Variants in ATP8A2 observed in about 807,000 individuals in gnomAD.
ATP8A2 encodes the protein phospholipid-transporting ATPase IB.
ATP8A2 carries 100 observed loss-of-function variants against 165.6 expected under a neutral mutation model. That is an observed-to-expected ratio of 0.60 (90% CI 0.51 to 0.71). The LOEUF (loss-of-function observed/expected upper bound fraction) is 0.71, where lower values mean the gene tolerates loss of function less well. ATP8A2 is among the 30% of genes least tolerant of loss of function. ATP8A2 has a pLI of 0.00. For missense variants in ATP8A2, 1,227 were observed against 1,479.5 expected (o/e 0.83, Z 2.80); for synonymous variants, 543 against 548.8 (o/e 0.99, Z 0.15).
chr13:25,686,935 A>G (rs968157875), intron 24 of ATP8A2, among the ~76,000 whole-genome samples: 1 of 152,168 alleles, frequency 6.6e-6, no homozygotes, highest in Non-Finnish European at 1.5e-5. Flanking sequence ...AAGCCCATTG[A>G]GAGCTGGGCC....
At chr13:25,384,564 A>G (rs1264398625) in intron 1 of ATP8A2, among the ~76,000 whole-genome samples, 2 of 152,124 alleles carry the variant, frequency 1.3e-5, no homozygotes, top group Non-Finnish European at 2.9e-5. Flanking sequence ...TTCGCTCTTC[A>G]GCTTTGTTTT....
At chr13:25,582,267 A>T (rs937265101) in intron 23 of ATP8A2, among the ~76,000 whole-genome samples, 12 of 152,246 alleles carry the variant, frequency 7.9e-5, no homozygotes, top group Admixed American at 3.9e-4. Flanking sequence ...CTAAGAGAGC[A>T]TGTTTTTACT....
At chr13:25,404,251 G>A (rs1287008320) in intron 1 of ATP8A2, among the ~76,000 whole-genome samples, 1 of 152,204 alleles carries the variant, frequency 6.6e-6, no homozygotes, top group Non-Finnish European at 1.5e-5. Context: ...TGGCAAGCAT[G>A]ACCAAAGCCA....
chr13:25,897,796 C>A (rs931046465), intron 33 of ATP8A2, among the ~76,000 whole-genome samples: 1 of 152,188 alleles, frequency 6.6e-6, no homozygotes, highest in Non-Finnish European at 1.5e-5. Context: ...CATCTTCCAT[C>A]GCTGATACCC....
At chr13:25,697,073 C>T (rs557124260) in intron 24 of ATP8A2, among the ~76,000 whole-genome samples, 4 of 152,264 alleles carry the variant, frequency 2.6e-5, no homozygotes, top group Non-Finnish European at 4.4e-5. Context: ...TGGTGCTGAT[C>T]GACTTGCTTG....
intron 24 of ATP8A2, chr13:25,591,520 G>A: frequency 2.7e-6 from 1 of 373,698 alleles, no homozygotes; most frequent in African/African-American, 2.1e-5. Context: ...ATATTCCATT[G>A]CATGCCTATA....
At chr13:25,976,445 A>G (rs1308045359) in intron 35 of ATP8A2, among the ~76,000 whole-genome samples, 1 of 152,142 alleles carries the variant, frequency 6.6e-6, no homozygotes, top group Non-Finnish European at 1.5e-5. Flanking sequence ...CCACCAAGCC[A>G]AGATGTGGAG....
chr13:25,457,736 T>A (rs1419781850), intron 1 of ATP8A2, among the ~76,000 whole-genome samples: 5 of 152,250 alleles, frequency 3.3e-5, no homozygotes, highest in African/African-American at 9.6e-5. Flanking sequence ...ATGCATCTCT[T>A]TGGCAGTGCT....
At chr13:25,739,945 G>T (rs2043870591) in intron 25 of ATP8A2, among the ~76,000 whole-genome samples, 1 of 152,192 alleles carries the variant, frequency 6.6e-6, no homozygotes, top group African/African-American at 2.4e-5. Flanking sequence ...GCAATATTTG[G>T]ATGTATACAT....
At chr13:25,691,515 A>G (rs1186278017) in intron 24 of ATP8A2, among the ~76,000 whole-genome samples, 1 of 152,236 alleles carries the variant, frequency 6.6e-6, no homozygotes, top group Non-Finnish European at 1.5e-5. Flanking sequence ...TGGCCAGTGT[A>G]GAGAAATATG....
intron 30 of ATP8A2, among the ~76,000 whole-genome samples, chr13:25,849,391 A>G (rs1301243969): frequency 6.6e-6 from 1 of 152,200 alleles, no homozygotes. Flanking sequence ...TTCTGAATAC[A>G]TTTTGTGGTT....
intron 2 of ATP8A2, among the ~76,000 whole-genome samples, chr13:25,522,385 C>T (rs113637786): frequency 1.3e-5 from 2 of 152,066 alleles, no homozygotes; most frequent in Non-Finnish European, 2.9e-5. Flanking sequence ...CTTTCCAGTT[C>T]GGATGCCCTT....
intron 25 of ATP8A2, among the ~76,000 whole-genome samples, chr13:25,729,134 A>G (rs2043559511): frequency 6.6e-6 from 1 of 151,346 alleles, no homozygotes; most frequent in African/African-American, 2.4e-5. Context: ...GCAAGATTTC[A>G]GTCAGTTTAC....
At chr13:25,831,210 A>G (rs1951457407) in intron 28 of ATP8A2, among the ~76,000 whole-genome samples, 1 of 137,212 alleles carries the variant, frequency 7.3e-6, no homozygotes, top group African/African-American at 2.7e-5. Flanking sequence ...TCCTCAAACT[A>G]ATTTTCTTTT....
At chr13:25,377,130 G>A (rs1363583247) in intron 1 of ATP8A2, among the ~76,000 whole-genome samples, 3 of 152,152 alleles carry the variant, frequency 2.0e-5, no homozygotes, top group South Asian at 2.1e-4. Flanking sequence ...AGTTATTTTC[G>A]AAAAAGTTTT....
At chr13:25,648,647 A>G (rs1330480676) in intron 24 of ATP8A2, among the ~76,000 whole-genome samples, 2 of 152,178 alleles carry the variant, frequency 1.3e-5, no homozygotes, top group Non-Finnish European at 2.9e-5. Context: ...CTGGCAACAG[A>G]GTGATATTCC....
intron 35 of ATP8A2, among the ~76,000 whole-genome samples, chr13:26,002,784 C>T (rs1459497409): frequency 1.3e-5 from 2 of 150,976 alleles, no homozygotes; most frequent in African/African-American, 4.9e-5. Flanking sequence ...GCATAGTGTC[C>T]TCTTGGTTTA....
chr13:25,917,120 G>GTAAC (rs1293647632), intron 33 of ATP8A2, among the ~76,000 whole-genome samples: 3 of 152,208 alleles, frequency 2.0e-5, no homozygotes, highest in African/African-American at 7.2e-5. Flanking sequence ...ATGCCTGGTA[G>GTAAC]TAACCTCTCT....
intron 13 of ATP8A2, 77 bp from the exon 14 acceptor site, chr13:25,558,896 T>A: frequency 2.9e-6 from 3 of 1,030,700 alleles, no homozygotes; most frequent in Non-Finnish European, 4.3e-6. Context: ...TTGAAAAATA[T>A]AGAAGGAAAG....
Sources: allele counts gnomAD v4.1 joint callset (sites outside exome capture counted in the v4.1 genomes callset), GRCh38; gene constraint gnomAD v4.1.1; transcripts MANE v1.5; gene names NCBI Gene and HGNC (gene_info 2026-07-23, HGNC 2026-07-21).